AGAP6: variants seen among roughly 807,000 people sequenced by gnomAD.
AGAP6 encodes arf-GAP with GTPase, ANK repeat and PH domain-containing protein 6.
A neutral mutation model predicts 63.9 loss-of-function variants in AGAP6; 29 were observed. The observed-to-expected ratio is 0.45, with a 90% CI of 0.34 to 0.62. The LOEUF is 0.62. AGAP6 is among the 20% of genes least tolerant of loss of function. The pLI, the probability that AGAP6 is intolerant of heterozygous loss-of-function variation, is 0.01. For missense variants in AGAP6, 493 were observed against 884.9 expected (o/e 0.56, Z 5.62); for synonymous variants, 199 against 332.9 (o/e 0.60, Z 4.38).
At position 50,009,334 on chromosome 10, in the gene AGAP6, A is replaced by T; in HGVS notation, c.1209A>T (p.Leu403=). Residue 403 remains leucine (L), a synonymous_variant, in exon 8 of 8, where the codon CTA becomes CTT. Coordinates refer to ENST00000412531, the MANE Select transcript of AGAP6 (RefSeq NM_001077665.3). ...PSPHANKKKH[L]KKKSTNNFMI... ...CTCATGCTAATAAAAAGAAACACCTAAAGAAGAAAAGCACCAACAACTTTA... is the reference window on the plus strand; with the variant it reads ...CTCATGCTAATAAAAAGAAACACCTTAAGAAGAAAAGCACCAACAACTTTA... 6.2e-7 allele frequency: 1 copy of T among 1,614,160 alleles called. No homozygotes were observed. Among genetic ancestry groups the T allele is most frequent in the Non-Finnish European group, 8.5e-7 (1 of 1,180,024 alleles).
At chr10:50,003,952 T>A (rs1358009540) in intron 5 of AGAP6, among the ~76,000 whole-genome samples, 1 of 152,206 alleles carries the variant, frequency 6.6e-6, no homozygotes, top group Non-Finnish European at 1.5e-5. Flanking sequence ...TACAGGCTTT[T>A]TAAAAAGTGC....
chr10:49,989,354 C>T lies in AGAP6; in HGVS notation c.270C>T (p.Phe90=). 9 of 1,597,430 alleles carry T rather than the reference C, an allele frequency of 5.6e-6. No homozygotes were observed. Among genetic ancestry groups the T allele is most frequent in the Non-Finnish European group, 7.6e-6 (9 of 1,179,762 alleles). ...CCAATCCAGAGTCAAGCACAATATT[C>T]CAGAGGAACTCTCAAACAGAAGGTG... ...LSANPESSTI[F]QRNSQTEALE... Residue 90 remains phenylalanine (F), a synonymous_variant, in exon 2 of 8, where the codon TTC becomes TTT. Coordinates refer to ENST00000412531, the MANE Select transcript of AGAP6 (RefSeq NM_001077665.3).
Position 50,009,976 on chromosome 10 carries a change from G to A in AGAP6, c.1851G>A (p.Glu617=). The change falls in exon 8 of 8, where the codon GAG becomes GAA. Residue 617 remains glutamate, a synonymous_variant. Coordinates refer to ENST00000412531, the MANE Select transcript of AGAP6 (RefSeq NM_001077665.3). ...ATGGCTCCTGTGAGGAGGTGAACGA[G>A]ACCTGTGGGGAGGGAGACGGCTGCA... The part of the protein sequence containing the change: ...LAHGSCEEVN[E]TCGEGDGCTA... The A allele has an allele frequency of 1.2e-6, 2 of 1,612,134 alleles. No homozygotes were observed. Among genetic ancestry groups the A allele is most frequent in the Non-Finnish European group, 1.7e-6 (2 of 1,179,870 alleles).
chr10:49,992,536 GTCT>G (rs1841321991), intron 3 of AGAP6, among the ~76,000 whole-genome samples: 1 of 152,178 alleles, frequency 6.6e-6, no homozygotes, highest in African/African-American at 2.4e-5. Flanking sequence ...GTTAGAATTT[GTCT>G]TCATTTTTTA....
chr10:50,008,717 A>C lies in AGAP6; in HGVS notation c.592A>C (p.Thr198Pro), dbSNP rs1392143187. The change falls in exon 8 of 8, where the codon ACC (threonine) becomes CCC (proline). Residue 198 changes from threonine to proline, a missense_variant. Coordinates refer to ENST00000412531, the MANE Select transcript of AGAP6 (RefSeq NM_001077665.3). ...DEQLHSFAVS[T>P]VHIMKKRNGG... ...CTCCTCCTGTTCCACACAGGTTTCC[A>C]CCGTGCACATTATGAAGAAAAGAAA... The C allele has an allele frequency of 6.2e-7, 1 of 1,613,912 alleles. No individual in the cohort carries two copies. Among genetic ancestry groups the C allele is most frequent in the African/African-American group, 1.3e-5 (1 of 74,940 alleles).
At chr10:50,004,404 A>G (rs61848271) in intron 5 of AGAP6, among the ~76,000 whole-genome samples, 44,332 of 148,840 alleles carry the variant, frequency 0.3, 6,811 homozygotes, top group African/African-American at 0.34. Flanking sequence ...GAAAGGTTTC[A>G]TGGGTAGAAA....
chr10:49,989,539 G>A (rs2132113454), intron 2 of AGAP6, among the ~76,000 whole-genome samples, 163 bp downstream of exon 2: 1 of 152,192 alleles, frequency 6.6e-6, no homozygotes, highest in Non-Finnish European at 1.5e-5. Context: ...CCTAAGTGAA[G>A]GAACCAGGTA....
intron 3 of AGAP6, among the ~76,000 whole-genome samples, chr10:49,992,622 A>G (rs1263102795): frequency 2.0e-5 from 3 of 152,206 alleles, no homozygotes; most frequent in Non-Finnish European, 2.9e-5. Context: ...AAAGATTTTC[A>G]GGCTGTACAA....
At chr10:49,991,200 T>C (rs1841260207) in intron 2 of AGAP6, among the ~76,000 whole-genome samples, 1 of 151,918 alleles carries the variant, frequency 6.6e-6, no homozygotes, top group South Asian at 2.1e-4. Context: ...TAAGGTTCTG[T>C]GTCCTCAGAA....
At chr10:49,995,258 C>T (rs1426210716) in intron 4 of AGAP6, among the ~76,000 whole-genome samples, 2 of 152,200 alleles carry the variant, frequency 1.3e-5, no homozygotes, top group African/African-American at 4.8e-5. Context: ...GTCCTTCATC[C>T]TGTCTCTGAA....
At chr10:50,007,392 C>CAAAA (rs782611919) in intron 6 of AGAP6, among the ~76,000 whole-genome samples, 1 of 8,584 alleles carries the variant, frequency 1.2e-4, no homozygotes, top group East Asian at 2.0e-3. Context: ...AACTTGGTCT[C>CAAAA]AAAAAAAAAA....
At chr10:49,989,522 G>A in intron 2 of AGAP6, 146 bp downstream of exon 2, 1 of 1,367,630 alleles carries the variant, frequency 7.3e-7, no homozygotes, top group South Asian at 1.4e-5. Flanking sequence ...TACCTATCCA[G>A]ATGGTACCTA....
At chr10:49,994,861 C>T (rs1841424819) in intron 4 of AGAP6, among the ~76,000 whole-genome samples, 2 of 150,654 alleles carry the variant, frequency 1.3e-5, no homozygotes, top group South Asian at 4.2e-4. Flanking sequence ...ACTCAGGAGG[C>T]TGAGGCAGGA....
At chr10:50,001,929 T>A in intron 4 of AGAP6, 67 bp from the exon 5 acceptor site, 3 of 1,581,252 alleles carry the variant, frequency 1.9e-6, no homozygotes, top group Non-Finnish European at 2.6e-6. Flanking sequence ...TGCTTTGTCA[T>A]TTGACATTTT....
In AGAP6 at chr10:50,008,037, A is replaced by G; in HGVS notation, c.546A>G (p.Arg182=). 1.2e-6 allele frequency: 2 copies of G among 1,611,964 alleles called. No individual in the cohort carries two copies. Among genetic ancestry groups the G allele is most frequent in the African/African-American group, 2.7e-5 (2 of 74,986 alleles). The change falls in exon 7 of 8, where the codon AGA becomes AGG. Residue 182 remains arginine, a synonymous_variant. Coordinates refer to ENST00000412531, the MANE Select transcript of AGAP6 (RefSeq NM_001077665.3). The part of the protein sequence containing the change: ...PHHITQRDAD[R]TLSIPDEQLH... ...TCTTATTTTATAGAGATGCAGATAG[A>G]ACTTTGAGCATACCTGATGAACAGT...
At chr10:49,995,599 C>T (rs1221224772) in intron 4 of AGAP6, among the ~76,000 whole-genome samples, 4 of 152,168 alleles carry the variant, frequency 2.6e-5, no homozygotes, top group South Asian at 2.1e-4. Flanking sequence ...CGTGGGTTTC[C>T]CTAGATATGC....
chr10:49,999,258 T>A, intron 4 of AGAP6, among the ~76,000 whole-genome samples: 1 of 132,890 alleles, frequency 7.5e-6, no homozygotes, highest in Non-Finnish European at 1.6e-5. Flanking sequence ...AAAAAGATAA[T>A]CCACCATGAT....
intron 4 of AGAP6, among the ~76,000 whole-genome samples, chr10:49,999,519 G>A: frequency 7.4e-6 from 1 of 135,398 alleles, no homozygotes; most frequent in Non-Finnish European, 1.5e-5. Flanking sequence ...ACTGAAAGGG[G>A]GAAAAGTTGA....
At chr10:50,004,045 C>T (rs370680681) in intron 5 of AGAP6, among the ~76,000 whole-genome samples, 1 of 152,170 alleles carries the variant, frequency 6.6e-6, no homozygotes, top group African/African-American at 2.4e-5. Context: ...ATTAGCTGGG[C>T]GTGGTGGCAC....
Sources: gnomAD v4.1 joint callset for allele counts (sites outside exome capture counted in the v4.1 genomes callset) on GRCh38, gnomAD v4.1.1 for gene constraint, MANE v1.5 for transcripts, NCBI Gene and HGNC (gene_info 2026-07-23, HGNC 2026-07-21) for gene names.